The following KCNH8 variants were observed in gnomAD, a reference collection of about 807,000 sequenced individuals.
The protein encoded by KCNH8 is potassium voltage-gated channel subfamily H member 8.
Under a neutral mutation model 103.6 loss-of-function variants are expected in KCNH8, and 70 were observed. The ratio of observed to expected loss-of-function variants is 0.68; its 90% CI spans 0.56 to 0.82. The LOEUF (loss-of-function observed/expected upper bound fraction) is 0.82, where lower values mean the gene tolerates loss of function less well. Ranked by LOEUF, KCNH8 falls within the 40% of genes least tolerant of loss-of-function variation. The pLI is 0.00. For synonymous variants in KCNH8, 498 were observed against 489.4 expected (o/e 1.02, Z -0.23); for missense variants, 1,217 against 1,329.9 (o/e 0.92, Z 1.32).
chr3:19,519,321 C>T (rs955434460), intron 15 of KCNH8, among the ~76,000 whole-genome samples: 4 of 151,688 alleles, frequency 2.6e-5, no homozygotes, highest in Admixed American at 1.3e-4. Flanking sequence ...AATGTAATCA[C>T]GTGATGGTAT....
At chr3:19,499,818 C>T (rs1347149561) in intron 11 of KCNH8, among the ~76,000 whole-genome samples, 2 of 151,962 alleles carry the variant, frequency 1.3e-5, no homozygotes, top group African/African-American at 2.4e-5. Context: ...ACAACCGGTA[C>T]CAGCCGCTGC....
At chr3:19,343,332 C>T (rs868202953) in intron 4 of KCNH8, among the ~76,000 whole-genome samples, 2 of 152,078 alleles carry the variant, frequency 1.3e-5, no homozygotes, top group South Asian at 2.1e-4. Context: ...AAAGCCACAA[C>T]AAATAACTAT....
At chr3:19,527,262 G>T (rs1473772048) in intron 15 of KCNH8, among the ~76,000 whole-genome samples, 1 of 151,984 alleles carries the variant, frequency 6.6e-6, no homozygotes, top group Non-Finnish European at 1.5e-5. Flanking sequence ...ACTGGGAATG[G>T]CTTATCTCTC....
intron 1 of KCNH8, among the ~76,000 whole-genome samples, chr3:19,161,141 A>G (rs75508641): frequency 0.013 from 1,912 of 152,306 alleles, 48 homozygotes; most frequent in African/African-American, 0.043. Flanking sequence ...TTACAGCCAC[A>G]ATGCATGATA....
chr3:19,487,471 G>C (rs1314697972), intron 11 of KCNH8, among the ~76,000 whole-genome samples: 1 of 152,094 alleles, frequency 6.6e-6, no homozygotes, highest in Non-Finnish European at 1.5e-5. Flanking sequence ...TAAATTATAG[G>C]TGCTTTTAAG....
intron 5 of KCNH8, among the ~76,000 whole-genome samples, chr3:19,363,568 A>C (rs1033508036): frequency 4.6e-5 from 7 of 152,104 alleles, no homozygotes; most frequent in Non-Finnish European, 1.0e-4. Flanking sequence ...GCTTCAAAAA[A>C]CTTTTCTCCA....
rs17005985 is a variant in KCNH8 at position 19,456,990 on chromosome 3, C to T, written c.2040+8C>T. 0.034 allele frequency: 54,006 copies of T among 1,591,666 alleles called. 2,694 individuals are homozygous for T. Among genetic ancestry groups the T allele is most frequent in the East Asian group, 0.21 (9,124 of 44,488 alleles). On this transcript the variant is annotated splice_region_variant and intron_variant, in intron 11 of 15. Coordinates refer to ENST00000328405, the MANE Select transcript of KCNH8 (RefSeq NM_144633.3). ...GAAGGTCATGAGAGTGATGTAAGTCCCATTTCTAATTAGTGCTAAGACCTA... is the reference window on the plus strand; with the variant it reads ...GAAGGTCATGAGAGTGATGTAAGTCTCATTTCTAATTAGTGCTAAGACCTA...
intron 1 of KCNH8, among the ~76,000 whole-genome samples, chr3:19,207,654 A>T (rs2063730698): frequency 6.6e-6 from 1 of 152,008 alleles, no homozygotes; most frequent in African/African-American, 2.4e-5. Context: ...CCAGGGCTAT[A>T]TTTTTATGAC....
intron 1 of KCNH8, among the ~76,000 whole-genome samples, chr3:19,214,581 C>G (rs1443036017): frequency 6.6e-6 from 1 of 152,224 alleles, no homozygotes; most frequent in Non-Finnish European, 1.5e-5. Context: ...CAAGGCTAAA[C>G]TTTACCAGAA....
chr3:19,271,130 A>AT (rs2064581866), intron 2 of KCNH8, among the ~76,000 whole-genome samples: 1 of 152,110 alleles, frequency 6.6e-6, no homozygotes, highest in African/African-American at 2.4e-5. Flanking sequence ...TCCTTTGGTA[A>AT]TTTCTTTTAA....
At chr3:19,214,496 G>A (rs1459809318) in intron 1 of KCNH8, among the ~76,000 whole-genome samples, 1 of 152,158 alleles carries the variant, frequency 6.6e-6, no homozygotes, top group Non-Finnish European at 1.5e-5. Flanking sequence ...ACCGATAAAA[G>A]CCAGCTCCTT....
At position 19,460,219 on chromosome 3, in the gene KCNH8, T is replaced by C. The variant is rs553506735; in HGVS notation, c.2040+3237T>C. Among the ~76,000 whole-genome samples, 6 of 152,250 alleles carry C rather than the reference T, an allele frequency of 3.9e-5. No homozygotes were observed. In the South Asian group the frequency reaches 1.2e-3, roughly 32 times the overall value. ...CCTCAATCCTGAGGTCTAGCCTTTA[T>C]TCCTAAAACAGCTTTTCTGGAGTCT... On this transcript the variant is annotated intron_variant, in intron 11 of 15. Coordinates refer to ENST00000328405, the MANE Select transcript of KCNH8 (RefSeq NM_144633.3).
intron 1 of KCNH8, among the ~76,000 whole-genome samples, chr3:19,237,441 T>C (rs1575458955): frequency 6.6e-6 from 1 of 152,334 alleles, no homozygotes; most frequent in Admixed American, 6.5e-5. Context: ...GCCCTGGTGG[T>C]TGTTCTCCAA....
intron 3 of KCNH8, among the ~76,000 whole-genome samples, chr3:19,304,432 A>C (rs1218134439): frequency 6.6e-6 from 1 of 151,262 alleles, no homozygotes; most frequent in Non-Finnish European, 1.5e-5. Context: ...GAAACTAACA[A>C]AAAAATAACA....
At chr3:19,285,732 T>G (rs2064822097) in intron 3 of KCNH8, among the ~76,000 whole-genome samples, 1 of 152,064 alleles carries the variant, frequency 6.6e-6, no homozygotes, top group Non-Finnish European at 1.5e-5. Context: ...AACCTAGGAT[T>G]TACACTCATG....
intron 1 of KCNH8, among the ~76,000 whole-genome samples, chr3:19,190,097 G>C (rs1181706082): frequency 6.6e-6 from 1 of 151,890 alleles, no homozygotes; most frequent in Non-Finnish European, 1.5e-5. Context: ...CTTAAGGTGA[G>C]ATATCAGAAT....
chr3:19,368,720 C>T (rs764531456), intron 5 of KCNH8, among the ~76,000 whole-genome samples: 51 of 151,816 alleles, frequency 3.4e-4, no homozygotes, highest in Non-Finnish European at 5.7e-4. Context: ...ATTTATGCTG[C>T]GTATTTGAAA....
chr3:19,270,020 T>C (rs2064565937), intron 2 of KCNH8, among the ~76,000 whole-genome samples: 1 of 152,136 alleles, frequency 6.6e-6, no homozygotes, highest in Non-Finnish European at 1.5e-5. Flanking sequence ...TGGTAGTATA[T>C]AGTCTTCTTA....
At chr3:19,258,947 C>CTCTCTCTCTATATATA (rs1321918245) in intron 2 of KCNH8, among the ~76,000 whole-genome samples, 11 of 24,800 alleles carry the variant, frequency 4.4e-4, no homozygotes, top group Non-Finnish European at 7.2e-4. Context: ...CTCTCTCTCT[C>CTCTCTCTCTATATATA]TATATATATA....
Sources: allele counts gnomAD v4.1 joint callset (sites outside exome capture counted in the v4.1 genomes callset), GRCh38; gene constraint gnomAD v4.1.1; transcripts MANE v1.5; gene names NCBI Gene and HGNC (gene_info 2026-07-23, HGNC 2026-07-21).